NTN1: variants seen among roughly 807,000 people sequenced by gnomAD.
The protein encoded by NTN1 is netrin-1.
NTN1 carries 11 observed loss-of-function variants against 54.2 expected under a neutral mutation model. The ratio of observed to expected loss-of-function variants is 0.20; its 90% confidence interval spans 0.13 to 0.34. The LOEUF (loss-of-function observed/expected upper bound fraction) is 0.34. Among genes scored for constraint, NTN1 ranks in the 10% least tolerant of loss-of-function variants. NTN1 has a pLI of 1.00. For synonymous variants in NTN1, 371 were observed against 382.0 expected (o/e 0.97, Z 0.33); for missense variants, 740 against 893.1 (o/e 0.83, Z 2.18).
At chr17:9,069,357 T>C (rs2092025726) in intron 2 of NTN1, among the ~76,000 whole-genome samples, 1 of 152,192 alleles carries the variant, frequency 6.6e-6, no homozygotes, top group African/African-American at 2.4e-5. Context: ...TTGGTCTTCT[T>C]TAAGAATCAG....
rs1026646724 is a variant in NTN1 at position 9,179,802 on chromosome 17, T to C, written c.1208-5T>C. The C allele has an allele frequency of 1.2e-6, 2 of 1,613,128 alleles. No homozygotes were observed. Among genetic ancestry groups the C allele is most frequent in the Non-Finnish European group, 1.7e-6 (2 of 1,179,594 alleles). On this transcript the variant is annotated splice_polypyrimidine_tract_variant and splice_region_variant and intron_variant, in intron 3 of 6. Transcript: ENST00000173229. ...TCTGACCCTCCCATTTTGTGTTCTCTGCAGCCTGTGATTGCCACCCTGTGG... is the reference window on the plus strand; with the variant it reads ...TCTGACCCTCCCATTTTGTGTTCTCCGCAGCCTGTGATTGCCACCCTGTGG...
chr17:9,233,876 G>C (rs1034751794), intron 6 of NTN1, among the ~76,000 whole-genome samples: 1 of 152,176 alleles, frequency 6.6e-6, no homozygotes, highest in Non-Finnish European at 1.5e-5. Context: ...CCTCCCAGGG[G>C]ACAGGGCTGG....
intron 2 of NTN1, among the ~76,000 whole-genome samples, chr17:9,054,679 T>C (rs2091972869): frequency 6.6e-6 from 1 of 151,686 alleles, no homozygotes; most frequent in Admixed American, 6.6e-5. Context: ...CACCGTGAGT[T>C]TGGCGAGCTC....
At chr17:9,178,014 T>G (rs895239897) in intron 3 of NTN1, among the ~76,000 whole-genome samples, 5 of 152,092 alleles carry the variant, frequency 3.3e-5, no homozygotes, top group African/African-American at 1.2e-4. Flanking sequence ...GGCTGACGTG[T>G]TAAAACCCCA....
At chr17:9,090,163 ATCTTTTTTTTTTTCTTTT>A (rs1469272762) in intron 2 of NTN1, among the ~76,000 whole-genome samples, 2 of 147,404 alleles carry the variant, frequency 1.4e-5, no homozygotes, top group Non-Finnish European at 3.0e-5. Context: ...TACCAAACTC[ATCTTTTTTTTTTTCTTTT>A]TCTTTTTTTT....
rs1268779021 is a variant in NTN1 at position 9,211,435 on chromosome 17, A to G, written c.1412-9733A>G. On this transcript the variant is annotated intron_variant, in intron 5 of 6. Coordinates refer to ENST00000173229, the MANE Select transcript of NTN1 (RefSeq NM_004822.3). The surrounding 1 kb of genome is among the most constrained non-coding windows in gnomAD (Gnocchi z 4.4). ...AGTGTCACCGTCAGGAATGGGAGTG[A>G]TGACACTCGTGCTGTTGGCCTCTCC... is the stretch of plus-strand genomic sequence containing the variant. 6.6e-6 allele frequency among the ~76,000 whole-genome samples: 1 copy of G among 152,126 alleles called. No homozygotes were observed. The highest frequency in any genetic ancestry group is 1.5e-5 in the Non-Finnish European group (1 of 68,030).
At chr17:9,158,037 C>T (rs906255854) in intron 2 of NTN1, among the ~76,000 whole-genome samples, 8 of 152,126 alleles carry the variant, frequency 5.3e-5, no homozygotes, top group African/African-American at 1.7e-4. Flanking sequence ...CTTTGCCCAA[C>T]GCATTTTTCC....
intron 3 of NTN1, among the ~76,000 whole-genome samples, chr17:9,163,656 A>C (rs946147708): frequency 6.6e-6 from 1 of 152,216 alleles, no homozygotes; most frequent in African/African-American, 2.4e-5. Context: ...CGTCCACTGA[A>C]GCAAGCACTA....
chr17:9,240,033 T>C lies in NTN1; in HGVS notation c.*65T>C, dbSNP rs1169064547. On this transcript the variant is annotated 3_prime_UTR_variant, in exon 7 of 7. Transcript: ENST00000173229. ...CGGGGCCGAGCGAGAGCGGGCGCCTTGGCCCGGCCGCCGCGGACTTGGCCC... is the reference window on the plus strand; with the variant it reads ...CGGGGCCGAGCGAGAGCGGGCGCCTCGGCCCGGCCGCCGCGGACTTGGCCC... The C allele has an allele frequency of 2.0e-6, 2 of 1,014,292 alleles. No individual in the cohort carries two copies. Among genetic ancestry groups the C allele is most frequent in the East Asian group, 5.3e-5 (1 of 18,804 alleles). 62.8% of individuals were successfully genotyped at this position (1,014,292 alleles called of 1,614,324 possible).
At position 9,221,151 on chromosome 17, in the gene NTN1, CCCCCA is replaced by C; in HGVS notation, c.1412-12_1412-8del. 6.6e-7 allele frequency: 1 copy of C among 1,519,078 alleles called. No individual in the cohort carries two copies. The highest frequency in any genetic ancestry group is 9.1e-7 in the Non-Finnish European group (1 of 1,101,808). 94.1% of individuals were successfully genotyped at this position (1,519,078 alleles called of 1,614,324 possible). A position where few individuals can be genotyped will look rare whatever the true frequency, so the allele number is the denominator to read the frequency against. On this transcript the variant is annotated splice_polypyrimidine_tract_variant and intron_variant, in intron 5 of 6. Transcript: ENST00000173229. This position sits in a 1 kb window ranked among gnomAD's most constrained non-coding sequence, Gnocchi z 4.5. The stretch of plus-strand genomic sequence containing the variant: ...CTAATTAGTTTTTGTCTGTGCTCCC[CCCCCA>C]CCCCCCTGCAGACTGCGATTCCTAC...
intron 6 of NTN1, among the ~76,000 whole-genome samples, chr17:9,233,819 G>T (rs1166968024): frequency 1.3e-5 from 2 of 150,602 alleles, no homozygotes; most frequent in Non-Finnish European, 2.9e-5. Flanking sequence ...GGAAGCAGCA[G>T]CTGAAAAGAC....
At chr17:9,013,507 C>T in the NTN1 span, among the ~76,000 whole-genome samples, 4 of 152,250 alleles carry the variant, frequency 2.6e-5, no homozygotes, top group South Asian at 6.2e-4. Flanking sequence ...TGAGCCACCT[C>T]GCCCGGCCAG....
At chr17:9,106,579 G>T (rs1252342169) in intron 2 of NTN1, among the ~76,000 whole-genome samples, 1 of 150,916 alleles carries the variant, frequency 6.6e-6, no homozygotes, top group Non-Finnish European at 1.5e-5. Context: ...AGTGGTGCAC[G>T]CTCGGCTCAC....
intron 2 of NTN1, among the ~76,000 whole-genome samples, chr17:9,160,249 G>A (rs145386561): frequency 0.011 from 1,700 of 152,156 alleles, 41 homozygotes; most frequent in Non-Finnish European, 8.9e-3. Flanking sequence ...GATTACAGGC[G>A]CAAACCACCA....
intron 2 of NTN1, among the ~76,000 whole-genome samples, chr17:9,099,770 A>G (rs1231045401): frequency 1.3e-5 from 2 of 152,172 alleles, no homozygotes; most frequent in Non-Finnish European, 2.9e-5. Context: ...TACAATAGCC[A>G]TTATTGTTTT....
At position 9,212,481 on chromosome 17, in the gene NTN1, A is replaced by C. The variant is rs1300775164; in HGVS notation, c.1412-8687A>C. 6.6e-6 allele frequency among the ~76,000 whole-genome samples: 1 copy of C among 152,136 alleles called. No homozygotes were observed. The highest frequency in any genetic ancestry group is 1.5e-5 in the Non-Finnish European group (1 of 68,026). On this transcript the variant is annotated intron_variant, in intron 5 of 6. Coordinates refer to ENST00000173229, the MANE Select transcript of NTN1 (RefSeq NM_004822.3). The surrounding 1 kb of genome is among the most constrained non-coding windows in gnomAD (Gnocchi z 5.5). ...TTCTAGATCAGGCAGCACCAAACAT[A>C]CTTTCTGGGCAGACTGGCCTCATTT...
intron 5 of NTN1, chr17:9,183,528 G>A (rs973047297): frequency 8.5e-6 from 3 of 353,690 alleles, no homozygotes; most frequent in East Asian, 8.4e-5. Context: ...AAGTCACAGC[G>A]GTTTACACAT....
At chr17:9,057,835 A>G (rs978020506) in intron 2 of NTN1, among the ~76,000 whole-genome samples, 3 of 152,208 alleles carry the variant, frequency 2.0e-5, no homozygotes, top group African/African-American at 4.8e-5. Context: ...TTGGCCAGGG[A>G]AAAACATTGC....
intron 6 of NTN1, among the ~76,000 whole-genome samples, chr17:9,224,460 G>A (rs745325845): frequency 5.9e-5 from 9 of 152,140 alleles, no homozygotes; most frequent in Non-Finnish European, 8.8e-5. Context: ...CCCGACACCC[G>A]ACTCCCTCAT....
Sources: allele counts gnomAD v4.1 joint callset (sites outside exome capture counted in the v4.1 genomes callset), GRCh38; gene constraint gnomAD v4.1.1; non-coding constraint Gnocchi (gnomAD v3.1); transcripts MANE v1.5; gene names NCBI Gene and HGNC (gene_info 2026-07-23, HGNC 2026-07-21).